The following MIS18A variants were observed in gnomAD, a reference collection of about 807,000 sequenced individuals.
MIS18A encodes the protein protein Mis18-alpha.
MIS18A carries 14 observed loss-of-function variants against 25.0 expected under a neutral mutation model. The observed-to-expected ratio is 0.56, with a 90% CI of 0.37 to 0.88. The LOEUF (loss-of-function observed/expected upper bound fraction) is 0.88, where lower values mean the gene tolerates loss of function less well. Among genes scored for constraint, MIS18A ranks in the 40% least tolerant of loss-of-function variants. The pLI, the probability that MIS18A is intolerant of heterozygous loss-of-function variation, is 0.00. For synonymous variants in MIS18A, 134 were observed against 118.6 expected, an observed-to-expected ratio of 1.13 and a Z score of -0.84; for missense variants, 292 against 290.8, an observed-to-expected ratio of 1.00 and a Z score of -0.03.
chr21:32,191,477 A>G, the MIS18A span, among the ~76,000 whole-genome samples: 1 of 152,214 alleles, frequency 6.6e-6, no homozygotes, highest in Non-Finnish European at 1.5e-5. Context: ...CTGTAGTCCT[A>G]GCTACTAAAG....
chr21:32,159,612 G>A, the MIS18A span, among the ~76,000 whole-genome samples: 22 of 152,300 alleles, frequency 1.4e-4, no homozygotes, highest in Middle Eastern at 3.4e-3. Context: ...AGCTCTCAGC[G>A]GGGCCTGAGA....
the MIS18A span, among the ~76,000 whole-genome samples, chr21:32,168,538 AAAT>A: frequency 2.0e-5 from 3 of 152,206 alleles, no homozygotes; most frequent in Non-Finnish European, 2.9e-5. Flanking sequence ...TGACTAGATG[AAAT>A]AATAATAATA....
At chr21:32,196,459 C>CTTTTTTT in the MIS18A span, among the ~76,000 whole-genome samples, 1 of 131,024 alleles carries the variant, frequency 7.6e-6, no homozygotes, top group African/African-American at 2.9e-5. Context: ...GAGCTAATGT[C>CTTTTTTT]TTTTTTTTTT....
chr21:32,231,092 C>G, the MIS18A span, among the ~76,000 whole-genome samples: 3 of 151,998 alleles, frequency 2.0e-5, no homozygotes, highest in East Asian at 5.8e-4. Context: ...CAAAAATTAG[C>G]CAGGCATGGT....
At chr21:32,173,233 C>A in the MIS18A span, among the ~76,000 whole-genome samples, 1 of 152,152 alleles carries the variant, frequency 6.6e-6, no homozygotes, top group Non-Finnish European at 1.5e-5. Flanking sequence ...TAAGGAAGTG[C>A]AAATCAAAAC....
chr21:32,175,791 T>C, the MIS18A span, among the ~76,000 whole-genome samples: 2 of 151,422 alleles, frequency 1.3e-5, no homozygotes, highest in Admixed American at 6.6e-5. Flanking sequence ...GCCCAGGTGA[T>C]AGTGAGAGAC....
chr21:32,165,163 G>A, the MIS18A span, among the ~76,000 whole-genome samples: 2 of 152,008 alleles, frequency 1.3e-5, no homozygotes, highest in Non-Finnish European at 2.9e-5. Context: ...GAGAAACCCT[G>A]TCTCTACTAA....
chr21:32,258,874 A>ACTTACTTAC, the MIS18A span, among the ~76,000 whole-genome samples: 1 of 111,628 alleles, frequency 9.0e-6, no homozygotes, highest in African/African-American at 4.1e-5. Flanking sequence ...TTATTTATTT[A>ACTTACTTAC]TTTACTTACT....
At chr21:32,155,171 G>T in the MIS18A span, among the ~76,000 whole-genome samples, 70,148 of 151,886 alleles carry the variant, frequency 0.46, 16,878 homozygotes, top group Middle Eastern at 0.61. Flanking sequence ...AAATTTTATG[G>T]TTGGGATGGA....
At chr21:32,229,056 T>C in the MIS18A span, among the ~76,000 whole-genome samples, 1 of 152,238 alleles carries the variant, frequency 6.6e-6, no homozygotes, top group Non-Finnish European at 1.5e-5. Flanking sequence ...TAATGTTATG[T>C]ATTAAATGTA....
the MIS18A span, among the ~76,000 whole-genome samples, chr21:32,176,602 G>A: frequency 1.3e-5 from 2 of 152,112 alleles, no homozygotes; most frequent in Non-Finnish European, 2.9e-5. Flanking sequence ...CTTTAAAAGT[G>A]TACGTATTAG....
the MIS18A span, among the ~76,000 whole-genome samples, chr21:32,258,461 A>C: frequency 6.6e-6 from 1 of 152,170 alleles, no homozygotes; most frequent in African/African-American, 2.4e-5. Flanking sequence ...GGCCTCCTGC[A>C]GCTACTGAGT....
chr21:32,204,873 C>G, the MIS18A span, among the ~76,000 whole-genome samples: 1 of 152,122 alleles, frequency 6.6e-6, no homozygotes, highest in African/African-American at 2.4e-5. Flanking sequence ...GGCGACAGAG[C>G]AAGACTCTGG....
At chr21:32,221,429 C>T in the MIS18A span, among the ~76,000 whole-genome samples, 5 of 152,112 alleles carry the variant, frequency 3.3e-5, no homozygotes, top group African/African-American at 1.2e-4. Context: ...CAAGCAAATG[C>T]TGAGGGATTT....
chr21:32,200,028 C>T, the MIS18A span, among the ~76,000 whole-genome samples: 1 of 152,156 alleles, frequency 6.6e-6, no homozygotes, highest in Non-Finnish European at 1.5e-5. Flanking sequence ...CCTGAAGAGG[C>T]AGATTTGAGT....
rs1449629204 is a variant in MIS18A, at chr21:32,279,023, A to G, written c.-9T>C. 1.3e-6 allele frequency: 2 copies of G among 1,584,714 alleles called. No homozygotes were observed. The highest frequency in any genetic ancestry group is 8.6e-7 in the Non-Finnish European group (1 of 1,165,660). ...GACCGAACGCCTGCCATTACCTACAAATCGCCCGCGCCCCAGAGCGCCATG... is the reference window on the plus strand; with the variant it reads ...GACCGAACGCCTGCCATTACCTACAGATCGCCCGCGCCCCAGAGCGCCATG... On this transcript the variant is annotated 5_prime_UTR_variant, in exon 1 of 5. Transcript: ENST00000290130.
the MIS18A span, among the ~76,000 whole-genome samples, chr21:32,191,253 T>C: frequency 6.6e-6 from 1 of 152,202 alleles, no homozygotes; most frequent in Non-Finnish European, 1.5e-5. Context: ...AGAAATTTAC[T>C]GTATCCCAAA....
the MIS18A span, among the ~76,000 whole-genome samples, chr21:32,183,135 G>A: frequency 6.6e-6 from 1 of 152,236 alleles, no homozygotes; most frequent in East Asian, 1.9e-4. Context: ...TGCCCATCCT[G>A]CCCCACACAC....
chr21:32,222,360 A>G, the MIS18A span, among the ~76,000 whole-genome samples: 1 of 152,212 alleles, frequency 6.6e-6, no homozygotes, highest in Non-Finnish European at 1.5e-5. Flanking sequence ...TTAGCACCCC[A>G]CTAACAATAT....
Sources: gnomAD v4.1 joint callset for allele counts (sites outside exome capture counted in the v4.1 genomes callset) on GRCh38, gnomAD v4.1.1 for gene constraint, MANE v1.5 for transcripts, NCBI Gene and HGNC (gene_info 2026-07-23, HGNC 2026-07-21) for gene names.